Variants in PLCZ1 observed in about 807,000 individuals in gnomAD.
PLCZ1 encodes 1-phosphatidylinositol 4,5-bisphosphate phosphodiesterase zeta-1.
PLCZ1 carries 64 observed loss-of-function variants against 76.8 expected under a neutral mutation model. The observed-to-expected ratio is 0.83, with a 90% CI of 0.68 to 1.03. The LOEUF (loss-of-function observed/expected upper bound fraction) is 1.03. Among genes scored for constraint, PLCZ1 ranks in the 50% least tolerant of loss-of-function variants. PLCZ1 has a pLI of 0.00. For synonymous variants in PLCZ1, 248 were observed against 230.8 expected, an observed-to-expected ratio of 1.07 and a Z score of -0.68; for missense variants, 751 against 713.7, an observed-to-expected ratio of 1.05 and a Z score of -0.60.
intron 12 of PLCZ1, among the ~76,000 whole-genome samples, 164 bp from the exon 13 acceptor site, chr12:18,688,382 A>T (rs1953508455): frequency 6.6e-6 from 1 of 152,078 alleles, no homozygotes; most frequent in Non-Finnish European, 1.5e-5. Context: ...TAAGTCTTTT[A>T]TCCTCAGTTA....
At position 18,696,149 on chromosome 12, in the gene PLCZ1, C is replaced by A. The variant is rs751595219; in HGVS notation, c.1291+1G>T. The A allele has an allele frequency of 7.1e-7, 1 of 1,418,220 alleles. No homozygotes were observed. The highest frequency in any genetic ancestry group is 9.9e-7 in the Non-Finnish European group (1 of 1,006,488). 87.9% of individuals were successfully genotyped at this position (1,418,220 alleles called of 1,614,324 possible). Reference sequence around the variant, plus strand: ...ACAACTCAATATCGTATATAACATACCCATTTGACAACCTATATTCCAAAA... The same window carrying A: ...ACAACTCAATATCGTATATAACATAACCATTTGACAACCTATATTCCAAAA... On this transcript the variant is annotated splice_donor_variant, in intron 11 of 14. Transcript: ENST00000266505. LOFTEE classifies it high-confidence loss of function.
Position 18,696,322 on chromosome 12 carries a change from C to CTATATATATATATATATATATATATA in PLCZ1, c.1175-82_1175-57dup, listed in dbSNP as rs71440372. The CTATATATATATATATATATATATATA allele has an allele frequency of 2.3e-3, 610 of 267,496 alleles. 42 individuals carry two copies. Among genetic ancestry groups the CTATATATATATATATATATATATATA allele is most frequent in the African/African-American group, 8.7e-3 (142 of 16,338 alleles). The allele number at this position is 267,496 out of a possible 1,614,324, so 16.6% of individuals were successfully genotyped here. ...GAATTCAAATAAATTTAAAAAGCCACTATATATATATATATATATATATAT... is the reference window on the plus strand; with the variant it reads ...GAATTCAAATAAATTTAAAAAGCCACTATATATATATATATATATATATATATATATATATATATATATATATATAT... On this transcript the variant is annotated intron_variant, in intron 10 of 14. Coordinates refer to ENST00000266505, the MANE Select transcript of PLCZ1 (RefSeq NM_033123.4).
At chr12:18,722,874 AT>A (rs1312038937) in intron 4 of PLCZ1, among the ~76,000 whole-genome samples, 4 of 151,868 alleles carry the variant, frequency 2.6e-5, no homozygotes, top group South Asian at 4.2e-4. Flanking sequence ...TCTTCTTAGA[AT>A]TTTTTTTCAT....
chr12:18,705,538 C>T (rs542807604), intron 6 of PLCZ1, among the ~76,000 whole-genome samples: 1 of 152,074 alleles, frequency 6.6e-6, no homozygotes, highest in African/African-American at 2.4e-5. Context: ...AGAATAGGAA[C>T]AACTGAAGCA....
chr12:18,651,782 T>C, the PLCZ1 span, among the ~76,000 whole-genome samples: 1 of 152,084 alleles, frequency 6.6e-6, no homozygotes, highest in Non-Finnish European at 1.5e-5. Flanking sequence ...CCTTGCAGGG[T>C]ATATGAATGT....
At chr12:18,657,450 T>C in the PLCZ1 span, among the ~76,000 whole-genome samples, 1 of 140,680 alleles carries the variant, frequency 7.1e-6, no homozygotes, top group South Asian at 2.2e-4. Flanking sequence ...GTAGTAAGCT[T>C]ACAAGCTGAA....
At chr12:18,679,134 A>G (rs1486147933), downstream of PLCZ1, among the ~76,000 whole-genome samples, 1 of 152,054 alleles carries the variant, frequency 6.6e-6, no homozygotes, top group Non-Finnish European at 1.5e-5. Context: ...TCCTTTTGGC[A>G]AGTGCCTGTT....
downstream of PLCZ1, among the ~76,000 whole-genome samples, chr12:18,681,438 A>C (rs1411101889): frequency 6.6e-6 from 1 of 152,070 alleles, no homozygotes; most frequent in Admixed American, 6.6e-5. Context: ...CCTAAAAAGC[A>C]TTAATCAAAT....
At chr12:18,709,530 A>AC (rs1228845107) in intron 6 of PLCZ1, among the ~76,000 whole-genome samples, 1 of 32,048 alleles carries the variant, frequency 3.1e-5, no homozygotes, top group Admixed American at 4.2e-4. Flanking sequence ...AAATTTTAGG[A>AC]CTTTTTTTTT....
chr12:18,703,386 G>C (rs970706077), intron 7 of PLCZ1, among the ~76,000 whole-genome samples: 5 of 152,144 alleles, frequency 3.3e-5, no homozygotes, highest in African/African-American at 1.2e-4. Flanking sequence ...AGTAAAATTT[G>C]AAGATCTTCC....
At chr12:18,692,475 G>A (rs771144350) in intron 12 of PLCZ1, among the ~76,000 whole-genome samples, 75 of 152,086 alleles carry the variant, frequency 4.9e-4, no homozygotes, top group Admixed American at 1.2e-3. Context: ...TTTACTAATG[G>A]AAACAAATCT....
intron 6 of PLCZ1, among the ~76,000 whole-genome samples, chr12:18,712,160 G>A (rs186800559): frequency 5.3e-5 from 8 of 152,176 alleles, no homozygotes; most frequent in African/African-American, 1.7e-4. Context: ...TATAATTGAA[G>A]TACTTAAGAA....
At chr12:18,693,315 C>G in intron 12 of PLCZ1, 1 of 1,542,006 alleles carries the variant, frequency 6.5e-7, no homozygotes, top group African/African-American at 1.4e-5. Flanking sequence ...GGAAAAGGCC[C>G]CCCAAGAGAC....
At chr12:18,713,538 C>T (rs1379996051) in intron 5 of PLCZ1, among the ~76,000 whole-genome samples, 1 of 152,122 alleles carries the variant, frequency 6.6e-6, no homozygotes. Context: ...GTGTTGGCTA[C>T]ACAGTATGGA....
intron 7 of PLCZ1, among the ~76,000 whole-genome samples, chr12:18,702,906 C>T (rs1036273118): frequency 1.5e-4 from 23 of 150,116 alleles, no homozygotes; most frequent in African/African-American, 5.2e-4. Context: ...CTGCAACCTC[C>T]GCCTCCTGGG....
chr12:18,650,317 C>A, the PLCZ1 span, among the ~76,000 whole-genome samples: 2 of 101,178 alleles, frequency 2.0e-5, no homozygotes, highest in Admixed American at 9.5e-5. Context: ...CTCTCTCTCT[C>A]TCTCTCTCTC....
chr12:18,669,640 A>G, the PLCZ1 span, among the ~76,000 whole-genome samples: 1 of 151,402 alleles, frequency 6.6e-6, no homozygotes, highest in African/African-American at 2.4e-5. Context: ...TGGCAGAGAG[A>G]GGAAGCTCTG....
At chr12:18,700,172 A>G (rs1380397510) in intron 9 of PLCZ1, among the ~76,000 whole-genome samples, 6 of 152,130 alleles carry the variant, frequency 3.9e-5, no homozygotes, top group Non-Finnish European at 8.8e-5. Context: ...GATTAATGTA[A>G]TAAGTATTGA....
chr12:18,688,816 A>G (rs778239076), intron 12 of PLCZ1, among the ~76,000 whole-genome samples: 1 of 152,114 alleles, frequency 6.6e-6, no homozygotes, highest in Non-Finnish European at 1.5e-5. Flanking sequence ...CAACAAAACT[A>G]TATTTGAAAT....
Sources: gnomAD v4.1 joint callset for allele counts (sites outside exome capture counted in the v4.1 genomes callset) on GRCh38, gnomAD v4.1.1 for gene constraint, MANE v1.5 for transcripts, NCBI Gene and HGNC (gene_info 2026-07-23, HGNC 2026-07-21) for gene names.